The following MLLT1 variants were observed in gnomAD, a reference collection of about 807,000 sequenced individuals.
MLLT1 encodes the protein MLLT1 super elongation complex subunit, also known as protein ENL.
A neutral mutation model predicts 55.1 loss-of-function variants in MLLT1; 11 were observed. The ratio of observed to expected loss-of-function variants is 0.20; its 90% CI spans 0.13 to 0.33. MLLT1 has a LOEUF of 0.33. MLLT1 is among the 10% of genes least tolerant of loss of function. MLLT1 has a pLI of 1.00. For missense variants in MLLT1, 536 were observed against 760.6 expected (o/e 0.70, Z 3.47); for synonymous variants, 323 against 320.1 (o/e 1.01, Z -0.10).
chr19:6,279,129 G>T (rs1047389668), intron 1 of MLLT1, among the ~76,000 whole-genome samples: 5 of 152,066 alleles, frequency 3.3e-5, no homozygotes, highest in African/African-American at 1.2e-4. Flanking sequence ...CTGGGCCGGG[G>T]TTCAAGGAAG....
At chr19:6,239,496 C>T (rs1264971117) in intron 3 of MLLT1, among the ~76,000 whole-genome samples, 1 of 152,180 alleles carries the variant, frequency 6.6e-6, no homozygotes, top group Admixed American at 6.5e-5. Flanking sequence ...CGGAGGGCCA[C>T]GGGCAGGGAG....
intron 1 of MLLT1, among the ~76,000 whole-genome samples, chr19:6,271,469 C>T (rs2091394802): frequency 1.3e-5 from 2 of 151,956 alleles, no homozygotes; most frequent in South Asian, 2.1e-4. Flanking sequence ...CAGGTGGACC[C>T]GTGGCCTGGG....
chr19:6,251,769 CA>C (rs11307954), intron 3 of MLLT1, among the ~76,000 whole-genome samples: 44,206 of 141,708 alleles, frequency 0.31, 7,262 homozygotes, highest in African/African-American at 0.46. Flanking sequence ...TACCTCCCAC[CA>C]AAAAAAAAAA....
intron 2 of MLLT1, among the ~76,000 whole-genome samples, chr19:6,264,857 T>TG (rs2091333595): frequency 1.5e-5 from 2 of 134,562 alleles, no homozygotes; most frequent in African/African-American, 5.7e-5. Flanking sequence ...ATAGTGCCAC[T>TG]GCCCTCCAGC....
intron 1 of MLLT1, among the ~76,000 whole-genome samples, chr19:6,279,524 G>A (rs1055469837): frequency 6.6e-5 from 10 of 151,954 alleles, no homozygotes; most frequent in African/African-American, 2.2e-4. Context: ...AGGCTGGGGG[G>A]TCACCAGGGG....
rs148182188 is a variant in MLLT1 at position 6,213,400 on chromosome 19, C to T, written c.1488G>A (p.Thr496=). The T allele has an allele frequency of 1.2e-5, 20 of 1,611,498 alleles. No individual in the cohort carries two copies. The highest frequency in any genetic ancestry group is 4.4e-5 in the South Asian group (4 of 91,086). Residue 496 remains threonine, a synonymous_variant, in exon 11 of 12, where the codon ACG becomes ACA. Coordinates refer to ENST00000252674, the MANE Select transcript of MLLT1 (RefSeq NM_005934.4). ...TCCGGTGTAGCTCCACCAGCTCATC[C>T]GTGTAGGCCTGGGGAGGGGGGGCAG... ...LKKGTYDKAY[T]DELVELHRRL...
At chr19:6,257,557 T>G (rs2091268030) in intron 3 of MLLT1, among the ~76,000 whole-genome samples, 1 of 152,168 alleles carries the variant, frequency 6.6e-6, no homozygotes. Flanking sequence ...TCCCAGCACT[T>G]TGGGAGGCCA....
chr19:6,230,749 G>C lies in MLLT1; in HGVS notation c.277-36C>G, dbSNP rs773908690. On this transcript the variant is annotated intron_variant, in intron 3 of 11. Coordinates refer to ENST00000252674, the MANE Select transcript of MLLT1 (RefSeq NM_005934.4). This position sits in a 1 kb window ranked among gnomAD's most constrained non-coding sequence, Gnocchi z 9.0. ...GAAAACAAGAAAGTCTGCATCAGAGGGTGGCCGTGGTGCAGGGACACAGCT... is the reference window on the plus strand; with the variant it reads ...GAAAACAAGAAAGTCTGCATCAGAGCGTGGCCGTGGTGCAGGGACACAGCT... 3 of 1,611,036 alleles carry C rather than the reference G, an allele frequency of 1.9e-6. No individual in the cohort carries two copies. The highest frequency in any genetic ancestry group is 1.7e-6 in the Non-Finnish European group (2 of 1,178,226).
intron 5 of MLLT1, among the ~76,000 whole-genome samples, chr19:6,225,748 C>T (rs2090950669): frequency 6.6e-6 from 1 of 152,202 alleles, no homozygotes; most frequent in Non-Finnish European, 1.5e-5. Flanking sequence ...CCACCAGCAG[C>T]CCCAGCAGAC....
intron 8 of MLLT1, among the ~76,000 whole-genome samples, chr19:6,215,477 C>A (rs1394661816): frequency 6.6e-6 from 1 of 152,208 alleles, no homozygotes; most frequent in Non-Finnish European, 1.5e-5. Flanking sequence ...GGCTCCCCCG[C>A]AGTGAGCCAC....
chr19:6,278,525 A>G (rs1273133554), intron 1 of MLLT1, among the ~76,000 whole-genome samples: 6 of 145,640 alleles, frequency 4.1e-5, no homozygotes, highest in Non-Finnish European at 8.9e-5. Flanking sequence ...GGGAGAGGGT[A>G]GTGGCTGAAA....
chr19:6,234,239 G>A (rs1302396924), intron 3 of MLLT1, among the ~76,000 whole-genome samples: 2 of 152,260 alleles, frequency 1.3e-5, no homozygotes, highest in African/African-American at 2.4e-5. Flanking sequence ...CTCCAGCACA[G>A]CTGTGGTGGA....
intron 3 of MLLT1, among the ~76,000 whole-genome samples, chr19:6,245,213 CT>C (rs2091156235): frequency 7.5e-6 from 1 of 133,996 alleles, no homozygotes; most frequent in East Asian, 2.7e-4. Flanking sequence ...TTTTTCCTTT[CT>C]TTCTTTCTTT....
At chr19:6,260,086 T>C (rs536626358) in intron 3 of MLLT1, among the ~76,000 whole-genome samples, 1 of 151,792 alleles carries the variant, frequency 6.6e-6, no homozygotes, top group East Asian at 2.0e-4. Flanking sequence ...GAACATGGGG[T>C]CCCATGCCCC....
chr19:6,215,361 C>T (rs1432269940), intron 8 of MLLT1, among the ~76,000 whole-genome samples: 1 of 152,236 alleles, frequency 6.6e-6, no homozygotes, highest in African/African-American at 2.4e-5. Context: ...TGTCACCGAA[C>T]GAGGCGGGAG....
At chr19:6,224,515 G>A (rs778397646) in intron 5 of MLLT1, among the ~76,000 whole-genome samples, 12 of 152,352 alleles carry the variant, frequency 7.9e-5, no homozygotes, top group Admixed American at 4.6e-4. Flanking sequence ...GAGCTCAGCC[G>A]GGGTCACAGC....
intron 3 of MLLT1, among the ~76,000 whole-genome samples, chr19:6,258,781 C>T (rs1600209861): frequency 1.3e-5 from 2 of 152,200 alleles, no homozygotes; most frequent in Non-Finnish European, 2.9e-5. Flanking sequence ...CACTCGCCGG[C>T]GAAGCCAAAC....
Position 6,212,494 on chromosome 19 carries a change from TAGAG to T in MLLT1, c.*544_*547del, listed in dbSNP as rs967139185. 2.2e-5 allele frequency: 23 copies of T among 1,066,324 alleles called. No individual in the cohort carries two copies. Among genetic ancestry groups the T allele is most frequent in the Middle Eastern group, 4.1e-4 (1 of 2,436 alleles). 66.1% of individuals were successfully genotyped at this position (1,066,324 alleles called of 1,614,324 possible). A position where few individuals can be genotyped will look rare whatever the true frequency, so the allele number is the denominator to read the frequency against. ...CCAGACAGTGCACACACATATATAA[TAGAG>T]AGAACTATACAGCACAGACCCCAGC... On this transcript the variant is annotated 3_prime_UTR_variant, in exon 12 of 12. Transcript: ENST00000252674.
chr19:6,247,294 C>T (rs911427778), intron 3 of MLLT1, among the ~76,000 whole-genome samples: 2 of 152,122 alleles, frequency 1.3e-5, no homozygotes, highest in Admixed American at 6.5e-5. Context: ...TTTTAAATAC[C>T]ATTTTCCAGC....
Sources: gnomAD v4.1 joint callset for allele counts (sites outside exome capture counted in the v4.1 genomes callset) on GRCh38, gnomAD v4.1.1 for gene constraint, Gnocchi (gnomAD v3.1) non-coding constraint, MANE v1.5 for transcripts, NCBI Gene and HGNC (gene_info 2026-07-23, HGNC 2026-07-21) for gene names.